The following AHCYL2 variants were observed in gnomAD, a reference collection of about 807,000 sequenced individuals.
AHCYL2 encodes the protein adenosylhomocysteinase like 2.
AHCYL2 carries 28 observed loss-of-function variants against 81.4 expected under a neutral mutation model. The observed-to-expected ratio is 0.34, with a 90% CI of 0.25 to 0.47. The LOEUF (loss-of-function observed/expected upper bound fraction) is 0.47, where lower values mean the gene tolerates loss of function less well. Among genes scored for constraint, AHCYL2 ranks in the 20% least tolerant of loss-of-function variants. AHCYL2 has a pLI of 1.00. For synonymous variants in AHCYL2, 272 were observed against 290.2 expected, an observed-to-expected ratio of 0.94 and a Z score of 0.64; for missense variants, 551 against 785.1, an observed-to-expected ratio of 0.70 and a Z score of 3.56.
chr7:129,310,683 A>G (rs1010809140), intron 1 of AHCYL2, among the ~76,000 whole-genome samples: 1 of 152,194 alleles, frequency 6.6e-6, no homozygotes, highest in Non-Finnish European at 1.5e-5. Flanking sequence ...GGTGAGAGAC[A>G]TTATTTGTAG....
chr7:129,283,239 T>G, intron 1 of AHCYL2: 2 of 394,998 alleles, frequency 5.1e-6, no homozygotes, highest in Non-Finnish European at 9.9e-6. Flanking sequence ...TCTACTTGGG[T>G]TCCTCCTTCA....
At chr7:129,293,292 C>T (rs1466177397) in intron 1 of AHCYL2, among the ~76,000 whole-genome samples, 6 of 152,164 alleles carry the variant, frequency 3.9e-5, no homozygotes, top group Admixed American at 3.9e-4. Flanking sequence ...TTTTCCAAGA[C>T]TAAGAGGTTA....
At position 129,396,667 on chromosome 7, in the gene AHCYL2, G is replaced by A. The variant is rs141526763; in HGVS notation, c.721-555G>A. On this transcript the variant is annotated intron_variant, in intron 4 of 16. Coordinates refer to ENST00000325006, the MANE Select transcript of AHCYL2 (RefSeq NM_015328.4). ...TCAAACTCCTGACCTCAGGTGATCC[G>A]CCCACCTCAGCCTCCCAAAGTGGGA... Among the ~76,000 whole-genome samples, 376 of 152,012 alleles carry A rather than the reference G, an allele frequency of 2.5e-3. 1 individual carries two copies. Among genetic ancestry groups the A allele is most frequent in the African/African-American group, 8.2e-3 (339 of 41,452 alleles).
At chr7:129,274,468 A>C (rs73232730) in intron 1 of AHCYL2, among the ~76,000 whole-genome samples, 21,538 of 152,154 alleles carry the variant, frequency 0.14, 1,849 homozygotes, top group South Asian at 0.24. Flanking sequence ...TTGGGGCCAG[A>C]GGGTGGTCTG....
chr7:129,399,902 T>G (rs551154682), intron 5 of AHCYL2, among the ~76,000 whole-genome samples: 1 of 152,148 alleles, frequency 6.6e-6, no homozygotes, highest in East Asian at 1.9e-4. Context: ...AATTTTTGTA[T>G]TTTTAGTAGA....
intron 1 of AHCYL2, among the ~76,000 whole-genome samples, chr7:129,239,019 G>A (rs556033310): frequency 6.2e-4 from 88 of 141,188 alleles, no homozygotes; most frequent in African/African-American, 2.1e-3. Flanking sequence ...ACATTTTTGT[G>A]CAATCAGGGA....
At chr7:129,262,967 G>T (rs529954111) in intron 1 of AHCYL2, among the ~76,000 whole-genome samples, 2 of 152,308 alleles carry the variant, frequency 1.3e-5, no homozygotes, top group African/African-American at 4.8e-5. Flanking sequence ...AATGAGGCTG[G>T]AGGTGGGACC....
At chr7:129,278,622 G>C (rs560574278) in intron 1 of AHCYL2, among the ~76,000 whole-genome samples, 1 of 152,158 alleles carries the variant, frequency 6.6e-6, no homozygotes, top group Admixed American at 6.5e-5. Flanking sequence ...TCATATCTAA[G>C]AAATCTTTGT....
intron 1 of AHCYL2, among the ~76,000 whole-genome samples, chr7:129,349,564 A>G (rs1020762233): frequency 1.4e-5 from 2 of 145,756 alleles, no homozygotes; most frequent in African/African-American, 5.0e-5. Flanking sequence ...AGGCAGGAGA[A>G]TTGCTTGAAC....
At chr7:129,397,195 T>C (rs1266147305) in intron 4 of AHCYL2, 27 bp from the exon 5 acceptor site, 1 of 1,601,158 alleles carries the variant, frequency 6.2e-7, no homozygotes. Flanking sequence ...CCAGGCTTGC[T>C]CATACCCTGC....
intron 1 of AHCYL2, among the ~76,000 whole-genome samples, chr7:129,300,379 G>C (rs1797218587): frequency 6.6e-6 from 1 of 151,980 alleles, no homozygotes; most frequent in Non-Finnish European, 1.5e-5. Context: ...CCCAGAAATA[G>C]GTGAGAATAT....
intron 1 of AHCYL2, among the ~76,000 whole-genome samples, chr7:129,347,272 A>G (rs572298574): frequency 5.4e-4 from 82 of 152,308 alleles, no homozygotes; most frequent in Non-Finnish European, 2.8e-4. Context: ...CCCAAATGTA[A>G]ACTGTGGACT....
At chr7:129,296,915 G>A (rs1320378554) in intron 1 of AHCYL2, among the ~76,000 whole-genome samples, 3 of 152,206 alleles carry the variant, frequency 2.0e-5, no homozygotes, top group Non-Finnish European at 2.9e-5. Context: ...TCTGAAAATA[G>A]CCTTATAAAG....
intron 1 of AHCYL2, among the ~76,000 whole-genome samples, chr7:129,310,835 C>T (rs183845966): frequency 3.9e-5 from 6 of 151,972 alleles, no homozygotes; most frequent in African/African-American, 7.3e-5. Context: ...ATGGGCCAGG[C>T]GTGGTGGGTC....
At chr7:129,264,477 A>G (rs1258187099) in intron 1 of AHCYL2, among the ~76,000 whole-genome samples, 3 of 152,232 alleles carry the variant, frequency 2.0e-5, no homozygotes, top group African/African-American at 7.2e-5. Flanking sequence ...GAAATCATGG[A>G]TAAGAAGGAA....
chr7:129,242,402 A>G (rs998216920), intron 1 of AHCYL2, among the ~76,000 whole-genome samples: 1 of 151,454 alleles, frequency 6.6e-6, no homozygotes, highest in East Asian at 1.9e-4. Context: ...GAGTTTCTCC[A>G]GGATGTATCT....
chr7:129,282,380 C>T (rs187527574), intron 1 of AHCYL2, among the ~76,000 whole-genome samples: 107 of 152,136 alleles, frequency 7.0e-4, no homozygotes, highest in Non-Finnish European at 1.3e-3. Context: ...TTAAAGTGTT[C>T]CCAGAATTCA....
intron 6 of AHCYL2, among the ~76,000 whole-genome samples, chr7:129,401,192 T>C (rs1563235975): frequency 6.6e-6 from 1 of 152,006 alleles, no homozygotes; most frequent in South Asian, 2.1e-4. Context: ...GGCATGCACC[T>C]GTAGTAGTAG....
At chr7:129,366,012 G>A (rs1794099975) in intron 1 of AHCYL2, among the ~76,000 whole-genome samples, 2 of 152,046 alleles carry the variant, frequency 1.3e-5, no homozygotes, top group African/African-American at 4.8e-5. Flanking sequence ...AAGTCCTCTG[G>A]GTTTAAAGGA....
Sources: gnomAD v4.1 joint callset for allele counts (sites outside exome capture counted in the v4.1 genomes callset) on GRCh38, gnomAD v4.1.1 for gene constraint, MANE v1.5 for transcripts, NCBI Gene and HGNC (gene_info 2026-07-23, HGNC 2026-07-21) for gene names.